RABEP1: variants seen among roughly 807,000 people sequenced by gnomAD.
RABEP1 encodes rabaptin, RAB GTPase binding effector protein 1.
A neutral mutation model predicts 123.4 loss-of-function variants in RABEP1; 51 were observed. That is an observed-to-expected ratio of 0.41 (90% confidence interval 0.33 to 0.52). The LOEUF is 0.52. RABEP1 is among the 20% of genes least tolerant of loss of function. The probability of loss-of-function intolerance (pLI) is 0.16; values close to 1 mark genes in which losing one functional copy is unlikely to be tolerated. For synonymous variants in RABEP1, 347 were observed against 355.2 expected (o/e 0.98, Z 0.26); for missense variants, 888 against 996.3 (o/e 0.89, Z 1.46).
intron 12 of RABEP1, among the ~76,000 whole-genome samples, chr17:5,370,858 CTG>C (rs1910469834): frequency 6.6e-6 from 1 of 151,930 alleles, no homozygotes; most frequent in Non-Finnish European, 1.5e-5. Context: ...TGCCCTTAGA[CTG>C]TATCTCAGAT....
intron 2 of RABEP1, among the ~76,000 whole-genome samples, chr17:5,326,710 TAGAGGAGTGTGGATGTACA>T (rs1906005169): frequency 6.6e-6 from 1 of 152,094 alleles, no homozygotes; most frequent in Non-Finnish European, 1.5e-5. Flanking sequence ...GTGCCTGTAG[TAGAGGAGTGTGGATGTACA>T]GGGGTGTGGG....
At chr17:5,305,614 A>T (rs1403153666) in intron 1 of RABEP1, among the ~76,000 whole-genome samples, 2 of 152,100 alleles carry the variant, frequency 1.3e-5, no homozygotes, top group African/African-American at 2.4e-5. Context: ...ATAAGAACAG[A>T]GGGATTTTGG....
intron 17 of RABEP1, 119 bp from the exon 18 acceptor site, chr17:5,383,003 C>T: frequency 1.4e-6 from 1 of 740,552 alleles, no homozygotes; most frequent in Non-Finnish European, 2.4e-6. Flanking sequence ...TTCTTGCTGT[C>T]TCCCTTTGAA....
intron 1 of RABEP1, among the ~76,000 whole-genome samples, chr17:5,301,768 G>T (rs1349362242): frequency 6.7e-6 from 1 of 149,516 alleles, no homozygotes; most frequent in Admixed American, 6.7e-5. Context: ...CAATAACTTT[G>T]TTTAAAAAAA....
rs144887048 is a variant in RABEP1, at chr17:5,341,865, T to G, written c.648+3727T>G. On this transcript the variant is annotated intron_variant, in intron 5 of 17. Coordinates refer to ENST00000537505, the MANE Select transcript of RABEP1 (RefSeq NM_004703.6). ...GGATTCAGAGAGGTATTTGAGAAAT[T>G]TGACCACTCAATAACTTAGTAAAGG... Among the ~76,000 whole-genome samples the G allele has an allele frequency of 5.6e-4, 86 of 152,340 alleles. 1 individual carries two copies. The highest frequency in any genetic ancestry group is 1.9e-3 in the African/African-American group (79 of 41,584).
At chr17:5,331,713 TAGTC>T (rs1156302788) in intron 2 of RABEP1, among the ~76,000 whole-genome samples, 6 of 152,304 alleles carry the variant, frequency 3.9e-5, no homozygotes, top group African/African-American at 1.4e-4. Flanking sequence ...CAAGTTCATT[TAGTC>T]AGCAGACGGG....
chr17:5,363,329 TCTC>T (rs1909728497), intron 10 of RABEP1, among the ~76,000 whole-genome samples: 1 of 151,596 alleles, frequency 6.6e-6, no homozygotes, highest in South Asian at 2.1e-4. Flanking sequence ...AAGTGATTCT[TCTC>T]CCTCAGCCTG....
At chr17:5,322,794 G>A (rs1905509677) in intron 2 of RABEP1, among the ~76,000 whole-genome samples, 1 of 152,214 alleles carries the variant, frequency 6.6e-6, no homozygotes. Flanking sequence ...CATATGGTTG[G>A]CCAGGTGCAG....
chr17:5,302,365 C>T (rs993312693), intron 1 of RABEP1, among the ~76,000 whole-genome samples: 4 of 150,450 alleles, frequency 2.7e-5, no homozygotes, highest in Non-Finnish European at 4.4e-5. Context: ...CTCAGCCTCC[C>T]GAGTAGCTGG....
chr17:5,282,943 C>G (rs893727483), intron 1 of RABEP1, among the ~76,000 whole-genome samples: 3 of 152,066 alleles, frequency 2.0e-5, no homozygotes, highest in Admixed American at 2.0e-4. Context: ...CCAATCCTTG[C>G]TATAGAACTC....
intron 11 of RABEP1, among the ~76,000 whole-genome samples, chr17:5,367,361 T>G (rs1301984418): frequency 4.0e-5 from 6 of 151,664 alleles, no homozygotes; most frequent in Non-Finnish European, 8.8e-5. Context: ...AACGTCTGCC[T>G]CCCAGGTTCA....
intron 2 of RABEP1, among the ~76,000 whole-genome samples, chr17:5,328,442 G>A (rs149907195): frequency 2.7e-4 from 41 of 149,648 alleles, no homozygotes; most frequent in Non-Finnish European, 4.7e-4. Flanking sequence ...CCTAGGAGTT[G>A]GAGACTAGCC....
chr17:5,367,375 G>A (rs566575304), intron 11 of RABEP1, among the ~76,000 whole-genome samples: 16 of 151,150 alleles, frequency 1.1e-4, no homozygotes, highest in South Asian at 2.1e-4. Flanking sequence ...AGGTTCAAGC[G>A]ATTCTCCTGC....
intron 5 of RABEP1, among the ~76,000 whole-genome samples, chr17:5,343,304 A>G (rs888381149): frequency 2.0e-5 from 3 of 152,240 alleles, no homozygotes; most frequent in African/African-American, 7.2e-5. Context: ...CTGTAATTCC[A>G]GCACTTTGGG....
chr17:5,362,485 C>G (rs889414096), intron 9 of RABEP1, among the ~76,000 whole-genome samples: 1 of 152,208 alleles, frequency 6.6e-6, no homozygotes. Flanking sequence ...AGAAACTATT[C>G]TCATTGGTCT....
intron 11 of RABEP1, among the ~76,000 whole-genome samples, chr17:5,367,113 A>G (rs1910068516): frequency 2.0e-5 from 3 of 151,748 alleles, no homozygotes; most frequent in Non-Finnish European, 4.4e-5. Context: ...AATCAAATTT[A>G]TTAATTATTT....
chr17:5,299,578 C>A (rs62075063), intron 1 of RABEP1, among the ~76,000 whole-genome samples: 63,518 of 149,414 alleles, frequency 0.43, 14,271 homozygotes, highest in East Asian at 0.79. Context: ...CCTTATATTA[C>A]GTGGTTCTGA....
chr17:5,365,924 T>C (rs1909966778), intron 11 of RABEP1, among the ~76,000 whole-genome samples: 1 of 152,254 alleles, frequency 6.6e-6, no homozygotes, highest in South Asian at 2.1e-4. Context: ...CTAATGTTGA[T>C]GGATATTTCA....
chr17:5,367,662 T>C (rs1431208784), intron 11 of RABEP1, among the ~76,000 whole-genome samples: 1 of 151,232 alleles, frequency 6.6e-6, no homozygotes, highest in Non-Finnish European at 1.5e-5. Context: ...TCTGTGTAGA[T>C]TAGTTTCAGA....
Sources: gnomAD v4.1 joint callset for allele counts (sites outside exome capture counted in the v4.1 genomes callset) on GRCh38, gnomAD v4.1.1 for gene constraint, MANE v1.5 for transcripts, NCBI Gene and HGNC (gene_info 2026-07-23, HGNC 2026-07-21) for gene names.